The following OPA1 variants were observed in gnomAD, a reference collection of about 807,000 sequenced individuals.
OPA1 encodes the protein OPA1 mitochondrial dynamin like GTPase.
A neutral mutation model predicts 152.9 loss-of-function variants in OPA1; 59 were observed. That is an observed-to-expected ratio of 0.39 (90% CI 0.31 to 0.48). The LOEUF (loss-of-function observed/expected upper bound fraction) is 0.48, where lower values mean the gene tolerates loss of function less well. Among genes scored for constraint, OPA1 ranks in the 20% least tolerant of loss-of-function variants. The pLI is 0.96. For synonymous variants in OPA1, 400 were observed against 389.9 expected (o/e 1.03, Z -0.31); for missense variants, 1,008 against 1,216.8 (o/e 0.83, Z 2.55).
chr3:193,605,521 T>C (rs1727120101), intron 1 of OPA1, among the ~76,000 whole-genome samples: 1 of 152,212 alleles, frequency 6.6e-6, no homozygotes, highest in African/African-American at 2.4e-5. Context: ...TCTACACTTT[T>C]AATTCTTCCT....
chr3:193,641,771 T>C (rs1252210260), intron 11 of OPA1, among the ~76,000 whole-genome samples: 1 of 152,228 alleles, frequency 6.6e-6, no homozygotes, highest in East Asian at 1.9e-4. Flanking sequence ...AGGTGTCAAT[T>C]AGGCATTTAG....
At chr3:193,646,157 G>T (rs1196936784) in intron 18 of OPA1, among the ~76,000 whole-genome samples, 1 of 152,226 alleles carries the variant, frequency 6.6e-6, no homozygotes, top group Non-Finnish European at 1.5e-5. Context: ...GAAGATTGGA[G>T]TGGGGTTGTC....
At chr3:193,650,798 G>C (rs1326728730) in intron 21 of OPA1, among the ~76,000 whole-genome samples, 1 of 152,100 alleles carries the variant, frequency 6.6e-6, no homozygotes, top group Non-Finnish European at 1.5e-5. Flanking sequence ...ACATTCAGAA[G>C]GAGATATTGA....
chr3:193,613,647 A>G (rs143905456), intron 1 of OPA1, among the ~76,000 whole-genome samples: 2,179 of 151,204 alleles, frequency 0.014, 51 homozygotes, highest in African/African-American at 0.049. Flanking sequence ...GTGTGATCTC[A>G]GCTTACTGCA....
chr3:193,638,545 TCTGA>T (rs1376990385), intron 11 of OPA1, among the ~76,000 whole-genome samples: 3 of 152,206 alleles, frequency 2.0e-5, no homozygotes, highest in Non-Finnish European at 4.4e-5. Flanking sequence ...CTGAAGCAAA[TCTGA>T]CTAATTTTCA....
intron 21 of OPA1, 88 bp downstream of exon 21, chr3:193,648,959 A>C: frequency 1.0e-6 from 1 of 983,536 alleles, no homozygotes; most frequent in Non-Finnish European, 1.6e-6. Context: ...TAAAGCAGTG[A>C]TTTATTGTTG....
rs2109193031 is a variant in OPA1 at position 193,659,479 on chromosome 3, T to C, written c.2441-3T>C. On this transcript the variant is annotated splice_polypyrimidine_tract_variant and splice_region_variant and intron_variant, in intron 24 of 30. Transcript: ENST00000361510. ...TTCTTGATTAATTAATTTTTTTTTC[T>C]AGCTGAAAATGCAATTGAAAACATG... 2 of 1,605,076 alleles carry C rather than the reference T, an allele frequency of 1.2e-6. No individual in the cohort carries two copies. The highest frequency in any genetic ancestry group is 1.7e-6 in the Non-Finnish European group (2 of 1,174,496).
chr3:193,673,867 T>G (rs939592367), intron 29 of OPA1, among the ~76,000 whole-genome samples: 1 of 152,244 alleles, frequency 6.6e-6, no homozygotes, highest in African/African-American at 2.4e-5. Flanking sequence ...ATGGTATAGT[T>G]TGATATCCTT....
At chr3:193,670,608 C>T (rs563273012) in intron 29 of OPA1, among the ~76,000 whole-genome samples, 6 of 152,182 alleles carry the variant, frequency 3.9e-5, no homozygotes, top group Admixed American at 6.5e-5. Flanking sequence ...CCTCATGATC[C>T]GCCCGCCTCG....
At chr3:193,635,561 C>T (rs757730573) in intron 9 of OPA1, 39 bp downstream of exon 9, 30 of 1,218,192 alleles carry the variant, frequency 2.5e-5, no homozygotes, top group South Asian at 3.6e-5. Context: ...AAAATTTTAC[C>T]GCTTAACGTT....
chr3:193,685,538 C>G (rs1315155807), intron 29 of OPA1, among the ~76,000 whole-genome samples: 1 of 152,178 alleles, frequency 6.6e-6, no homozygotes, highest in African/African-American at 2.4e-5. Context: ...TATTACATAG[C>G]AAGCAGTGCT....
At chr3:193,639,156 A>G (rs1439464668) in intron 11 of OPA1, among the ~76,000 whole-genome samples, 3 of 152,204 alleles carry the variant, frequency 2.0e-5, no homozygotes, top group Non-Finnish European at 4.4e-5. Context: ...AGAGTCTTTC[A>G]TTGAACAGAT....
chr3:193,686,270 G>A (rs1176434237), intron 29 of OPA1, among the ~76,000 whole-genome samples: 2 of 152,164 alleles, frequency 1.3e-5, no homozygotes, highest in Admixed American at 6.5e-5. Flanking sequence ...CTAACCCAGC[G>A]TTTACAGGCC....
chr3:193,676,391 A>T (rs1242690104), intron 29 of OPA1, among the ~76,000 whole-genome samples: 1 of 152,204 alleles, frequency 6.6e-6, no homozygotes, highest in African/African-American at 2.4e-5. Flanking sequence ...CAGTTAACAC[A>T]TTAAAGCAAC....
At position 193,617,193 on chromosome 3, in the gene OPA1, C is replaced by T. The variant is rs751318725; in HGVS notation, c.464C>T (p.Ala155Val). 3.1e-6 allele frequency: 5 copies of T among 1,601,400 alleles called. No homozygotes were observed. The highest frequency in any genetic ancestry group is 3.3e-5 in the Admixed American group (2 of 59,968). ...TCTTTTCCAGAGAAAATTAGAAAAG[C>T]CCTTCCTAGTTCAGAAGACCTTGTA... Reference protein sequence around the residue: ...EYIDFEKIRKALPSSEDLVKL... With the variant: ...EYIDFEKIRKVLPSSEDLVKL... The change falls in exon 4 of 31, where the codon GCC becomes GTC. Residue 155 changes from alanine to valine, a missense_variant. Physicochemically the swap from Ala to Val is moderately conservative, Grantham distance 64 (BLOSUM62 0). Around this residue, in one of 7 missense-constraint regions of OPA1, gnomAD observed 408 missense variants for 395.1 expected, o/e 1.03. Transcript: ENST00000361510.
At chr3:193,601,466 T>C (rs1209444630) in intron 1 of OPA1, among the ~76,000 whole-genome samples, 1 of 152,036 alleles carries the variant, frequency 6.6e-6, no homozygotes, top group African/African-American at 2.4e-5. Context: ...CCCTCAGGGG[T>C]TGGAAAAGGG....
intron 1 of OPA1, among the ~76,000 whole-genome samples, chr3:193,607,352 C>A (rs1727449815): frequency 6.6e-6 from 1 of 152,140 alleles, no homozygotes; most frequent in Non-Finnish European, 1.5e-5. Context: ...ATGCCTATGT[C>A]CTGAATGGTA....
chr3:193,593,721 T>TGTC (rs1337183520), intron 1 of OPA1, among the ~76,000 whole-genome samples: 1 of 152,202 alleles, frequency 6.6e-6, no homozygotes, highest in Non-Finnish European at 1.5e-5. Context: ...GTGTTCTGTC[T>TGTC]GTCTCTGGTT....
intron 22 of OPA1, among the ~76,000 whole-genome samples, chr3:193,656,725 T>C (rs1164876232): frequency 6.6e-6 from 1 of 152,100 alleles, no homozygotes; most frequent in Admixed American, 6.5e-5. Flanking sequence ...CTACAGTAGG[T>C]GGTGTCATGT....
Sources: gnomAD v4.1 joint callset for allele counts (sites outside exome capture counted in the v4.1 genomes callset) on GRCh38, gnomAD v4.1.1 for gene constraint, gnomAD v4.1.1 regional missense constraint, MANE v1.5 for transcripts, NCBI Gene and HGNC (gene_info 2026-07-23, HGNC 2026-07-21) for gene names.